The following ABCA8 variants were observed in gnomAD, a reference collection of about 807,000 sequenced individuals.
ABCA8 encodes the protein ABC-type organic anion transporter ABCA8.
A neutral mutation model predicts 192.3 loss-of-function variants in ABCA8; 177 were observed. The observed-to-expected ratio is 0.92, with a 90% CI of 0.81 to 1.04. The LOEUF is 1.04. Among genes scored for constraint, ABCA8 ranks in the 50% least tolerant of loss-of-function variants. The pLI is 0.00. For missense variants in ABCA8, 1,915 were observed against 1,904.8 expected (o/e 1.01, Z -0.10); for synonymous variants, 642 against 690.2 (o/e 0.93, Z 1.09).
chr17:68,916,288 A>G (rs2143589240), intron 17 of ABCA8, among the ~76,000 whole-genome samples: 1 of 152,274 alleles, frequency 6.6e-6, no homozygotes, highest in African/African-American at 2.4e-5. Context: ...TATTACATGT[A>G]CAATATATTA....
In ABCA8 at chr17:68,929,214, C is replaced by G; in HGVS notation, c.960G>C (p.Met320Ile). Reference protein sequence around the residue: ...GLSLVALAFLMSILVKKSFLT... With the variant: ...GLSLVALAFLISILVKKSFLT... ...GGAAAGATTTCTTTACCAAGATGCT[C>G]ATTAAGAAAGCCAAAGCTACCTAAA... Residue 320 changes from methionine (M) to isoleucine (I), a missense_variant, in exon 9 of 40, where the codon ATG becomes ATC. By Grantham distance (10) the Met-to-Ile change is conservative (BLOSUM62 1). Transcript: ENST00000586539. 6.3e-7 allele frequency: 1 copy of G among 1,598,450 alleles called. No homozygotes were observed. Among genetic ancestry groups the G allele is most frequent in the Non-Finnish European group, 8.5e-7 (1 of 1,173,438 alleles).
chr17:68,888,926 A>G (rs975905287), intron 24 of ABCA8, among the ~76,000 whole-genome samples: 1 of 152,206 alleles, frequency 6.6e-6, no homozygotes, highest in Non-Finnish European at 1.5e-5. Context: ...TAAATATTAC[A>G]TAGAGGAATG....
At position 68,903,347 on chromosome 17, in the gene ABCA8, C is replaced by A. The variant is rs1330985136; in HGVS notation, c.2551G>T (p.Val851Phe). The change falls in exon 20 of 40, where the codon GTT becomes TTT. Residue 851 changes from valine (V) to phenylalanine (F), a missense_variant. By Grantham distance (50) the Val-to-Phe change is conservative. Coordinates refer to ENST00000586539, the MANE Select transcript of ABCA8 (RefSeq NM_001288985.2). Reference sequence around the variant, plus strand: ...TCATGCTTTAACTTTAACAAGCGAACCCTTGCAATTGCGCAGATTTGCTGT... The same window carrying A: ...TCATGCTTTAACTTTAACAAGCGAAACCTTGCAATTGCGCAGATTTGCTGT... Reference protein sequence around the residue: ...WRQQICAIARVRLLKLKHERK... With the variant: ...WRQQICAIARFRLLKLKHERK... 1 of 1,614,062 alleles carries A rather than the reference C, an allele frequency of 6.2e-7. No homozygotes were observed. The highest frequency in any genetic ancestry group is 8.5e-7 in the Non-Finnish European group (1 of 1,180,038).
intron 26 of ABCA8, among the ~76,000 whole-genome samples, 164 bp from the exon 27 acceptor site, chr17:68,885,479 T>G: frequency 6.6e-6 from 1 of 152,160 alleles, no homozygotes; most frequent in East Asian, 1.9e-4. Context: ...TTAGCCAAAT[T>G]CCTTTGGCCT....
At chr17:68,933,018 C>T (rs983987157) in intron 6 of ABCA8, 150 bp downstream of exon 6, 24 of 600,424 alleles carry the variant, frequency 4.0e-5, no homozygotes, top group Non-Finnish European at 6.2e-5. Context: ...TATCTACATT[C>T]CGTGGTATAT....
chr17:68,902,646 G>T, intron 21 of ABCA8, 67 bp downstream of exon 21: 1 of 1,290,938 alleles, frequency 7.7e-7, no homozygotes, highest in Non-Finnish European at 1.0e-6. Flanking sequence ...TCTTTCTCAT[G>T]GTTATGTTTT....
rs766644309 is a variant in ABCA8 at position 68,922,292 on chromosome 17, T to C, written c.1451A>G (p.Asn484Ser). 8.0e-7 allele frequency: 1 copy of C among 1,247,212 alleles called. No individual in the cohort carries two copies. Among genetic ancestry groups the C allele is most frequent in the Admixed American group, 3.1e-5 (1 of 32,294 alleles). 77.3% of individuals were successfully genotyped at this position (1,247,212 alleles called of 1,614,324 possible). A position where few individuals can be genotyped will look rare whatever the true frequency, so the allele number is the denominator to read the frequency against. Reference protein sequence around the residue: ...FQGKEAIRIRNVTKEYKGKPD... With the variant: ...FQGKEAIRIRSVTKEYKGKPD... ...CTTTCCTTTATATTCTTTTGTAACA[T>C]TTCTGATTCTGAAAAAAAGAAAAGA... is the stretch of plus-strand genomic sequence containing the variant. The change falls in exon 12 of 40, where the codon AAT becomes AGT. Residue 484 changes from asparagine (N) to serine (S), a missense_variant. Coordinates refer to ENST00000586539, the MANE Select transcript of ABCA8 (RefSeq NM_001288985.2).
chr17:68,944,319 TA>T (rs1490025896), intron 2 of ABCA8, among the ~76,000 whole-genome samples: 6 of 31,772 alleles, frequency 1.9e-4, no homozygotes, highest in East Asian at 1.5e-3. Context: ...CTTAAAGTTA[TA>T]TATATATATA....
At chr17:68,895,585 G>A (rs1275637946) in intron 21 of ABCA8, among the ~76,000 whole-genome samples, 2 of 152,186 alleles carry the variant, frequency 1.3e-5, no homozygotes, top group African/African-American at 2.4e-5. Flanking sequence ...CTGAGAAATT[G>A]TGGCATTTGA....
Position 68,924,729 on chromosome 17 carries a change from G to A in ABCA8, c.1414C>T (p.Pro472Ser), listed in dbSNP as rs774537964. Residue 472 changes from proline (P) to serine (S), a missense_variant, in exon 11 of 40, where the codon CCA (proline) becomes TCA (serine). Transcript: ENST00000586539. ...SFHDSFEQAP[P>S]EFQGKEAIRI... is the part of the protein sequence containing the mutation. ...ATGGCTTCTTTCCCTTGGAATTCTG[G>A]AGGCGCTTGTTCAAAAGAGTCATGA... 2 of 1,613,712 alleles carry A rather than the reference G, an allele frequency of 1.2e-6. No homozygotes were observed. Among genetic ancestry groups the A allele is most frequent in the Admixed American group, 1.7e-5 (1 of 59,926 alleles).
In ABCA8 at chr17:68,876,713, A is replaced by G. The variant is rs202205451; in HGVS notation, c.4200-10T>C. On this transcript the variant is annotated splice_polypyrimidine_tract_variant and intron_variant, in intron 33 of 39. Coordinates refer to ENST00000586539, the MANE Select transcript of ABCA8 (RefSeq NM_001288985.2). ...GAGCGCATCCACTAACCTGAAGGAA[A>G]CAGGAGAGTCGTACAGTCTTCTTGA... 1 of 1,614,178 alleles carries G rather than the reference A, an allele frequency of 6.2e-7. No individual in the cohort carries two copies. Among genetic ancestry groups the G allele is most frequent in the South Asian group, 1.1e-5 (1 of 91,082 alleles).
chr17:68,895,665 G>T (rs1166788517), intron 21 of ABCA8, among the ~76,000 whole-genome samples: 1 of 152,058 alleles, frequency 6.6e-6, no homozygotes, highest in East Asian at 1.9e-4. Context: ...ACTCTGAAAG[G>T]GTGTGGGCAA....
intron 23 of ABCA8, 184 bp downstream of exon 23, chr17:68,893,989 T>A: frequency 1.7e-6 from 1 of 605,902 alleles, no homozygotes; most frequent in Non-Finnish European, 2.9e-6. Flanking sequence ...TTTATTTTAC[T>A]TTAAACAAAT....
chr17:68,887,247 TA>T (rs2066485996), intron 25 of ABCA8, 88 bp downstream of exon 25: 1 of 1,362,140 alleles, frequency 7.3e-7, no homozygotes, highest in Non-Finnish European at 1.0e-6. Context: ...TATGACCATA[TA>T]AATATTGATA....
Position 68,868,578 on chromosome 17 carries a change from C to T in ABCA8, c.4712-222G>A, listed in dbSNP as rs547026157. Among the ~76,000 whole-genome samples, 7 of 152,162 alleles carry T rather than the reference C, an allele frequency of 4.6e-5. No individual in the cohort carries two copies. In the South Asian group the frequency reaches 8.3e-4, roughly 18 times the overall value. ...ATGCTTGTATGTTGTGCAGTTTTTG[C>T]GAACTGTATTTAAAGGAGAAAATGC... On this transcript the variant is annotated intron_variant, in intron 38 of 39. Transcript: ENST00000586539.
At chr17:68,926,819 T>C (rs1174827055) in intron 10 of ABCA8, among the ~76,000 whole-genome samples, 2 of 152,184 alleles carry the variant, frequency 1.3e-5, no homozygotes, top group Non-Finnish European at 2.9e-5. Flanking sequence ...GTGGCTGTCT[T>C]CCTGCTCACC....
intron 13 of ABCA8, among the ~76,000 whole-genome samples, chr17:68,920,900 C>T (rs1054763432): frequency 1.3e-5 from 2 of 152,020 alleles, no homozygotes; most frequent in African/African-American, 4.8e-5. Context: ...CACATGCACA[C>T]GTATGTTTAT....
chr17:68,939,779 C>T (rs1273766758), intron 4 of ABCA8, among the ~76,000 whole-genome samples: 2 of 152,074 alleles, frequency 1.3e-5, no homozygotes, highest in Non-Finnish European at 2.9e-5. Context: ...GCCTCTTACG[C>T]TCAACTGAAA....
intron 17 of ABCA8, among the ~76,000 whole-genome samples, chr17:68,909,400 G>T (rs933983609): frequency 2.6e-5 from 4 of 152,160 alleles, no homozygotes; most frequent in Non-Finnish European, 5.9e-5. Flanking sequence ...GAGGAAGTAG[G>T]CTGGATGTGG....
Sources: gnomAD v4.1 joint callset for allele counts (sites outside exome capture counted in the v4.1 genomes callset) on GRCh38, gnomAD v4.1.1 for gene constraint, MANE v1.5 for transcripts, NCBI Gene and HGNC (gene_info 2026-07-23, HGNC 2026-07-21) for gene names.